OR2L13: variants seen among roughly 807,000 people sequenced by gnomAD.
OR2L13 encodes the protein olfactory receptor family 2 subfamily L member 13.
OR2L13 carries 14 observed loss-of-function variants against 15.3 expected under a neutral mutation model. The ratio of observed to expected loss-of-function variants is 0.91; its 90% CI spans 0.60 to 1.43. The LOEUF (loss-of-function observed/expected upper bound fraction) is 1.43. Ranked by LOEUF, OR2L13 falls within the 40% of genes most tolerant of loss-of-function variation. The pLI, the probability that OR2L13 is intolerant of heterozygous loss-of-function variation, is 0.00. For synonymous variants in OR2L13, 152 were observed against 142.9 expected, an observed-to-expected ratio of 1.06 and a Z score of -0.45; for missense variants, 367 against 387.9, an observed-to-expected ratio of 0.95 and a Z score of 0.45.
chr1:247,979,115 A>G, the OR2L13 span, among the ~76,000 whole-genome samples: 1 of 152,280 alleles, frequency 6.6e-6, no homozygotes, highest in Admixed American at 6.5e-5. Flanking sequence ...TGTTTTGTCT[A>G]CTAAAGAAGA....
the OR2L13 span, among the ~76,000 whole-genome samples, chr1:248,069,841 C>T: frequency 2.0e-5 from 3 of 152,206 alleles, no homozygotes; most frequent in South Asian, 2.1e-4. Flanking sequence ...TCTGATAAAA[C>T]AGACTTTAAA....
chr1:247,957,694 T>C, the OR2L13 span, among the ~76,000 whole-genome samples: 3 of 152,238 alleles, frequency 2.0e-5, no homozygotes, highest in African/African-American at 7.2e-5. Flanking sequence ...TTGAGGAATT[T>C]ATCCATTTCT....
At chr1:247,938,713 A>G in the OR2L13 span, among the ~76,000 whole-genome samples, 3 of 152,184 alleles carry the variant, frequency 2.0e-5, no homozygotes, top group East Asian at 5.8e-4. Flanking sequence ...GAGTGTAAAG[A>G]GCATGGTTCA....
the OR2L13 span, among the ~76,000 whole-genome samples, chr1:247,938,353 T>C: frequency 6.6e-6 from 1 of 152,184 alleles, no homozygotes; most frequent in East Asian, 1.9e-4. Context: ...TAAAGCCTGC[T>C]TTTACAACTC....
At chr1:247,969,091 A>G in the OR2L13 span, among the ~76,000 whole-genome samples, 2 of 152,260 alleles carry the variant, frequency 1.3e-5, no homozygotes, top group South Asian at 2.1e-4. Flanking sequence ...TCCTCTGATG[A>G]CCAGTGATGA....
upstream of OR2L13, among the ~76,000 whole-genome samples, chr1:248,091,631 G>A (rs772922296): frequency 1.1e-4 from 17 of 151,778 alleles, no homozygotes; most frequent in African/African-American, 1.9e-4. Context: ...ATTCTGTTCC[G>A]TTGGTCTATG....
the OR2L13 span, among the ~76,000 whole-genome samples, chr1:248,076,385 A>G: frequency 6.6e-6 from 1 of 152,176 alleles, no homozygotes; most frequent in Non-Finnish European, 1.5e-5. Flanking sequence ...CTGTGAAGGA[A>G]GTCATTGGTA....
the OR2L13 span, among the ~76,000 whole-genome samples, chr1:248,067,409 GA>G: frequency 6.6e-6 from 1 of 152,186 alleles, no homozygotes; most frequent in South Asian, 2.1e-4. Flanking sequence ...AAAAATCCAG[GA>G]AAAACTCCTA....
the OR2L13 span, among the ~76,000 whole-genome samples, chr1:248,073,247 C>T: frequency 1.3e-5 from 2 of 152,144 alleles, no homozygotes; most frequent in Admixed American, 6.6e-5. Flanking sequence ...CAATGATAGA[C>T]TGGATTAAGA....
chr1:248,076,256 A>C, the OR2L13 span, among the ~76,000 whole-genome samples: 3 of 151,630 alleles, frequency 2.0e-5, no homozygotes, highest in Non-Finnish European at 4.4e-5. Context: ...GTAGCTTTGT[A>C]GTATAATTTG....
the OR2L13 span, among the ~76,000 whole-genome samples, chr1:247,989,446 A>G: frequency 2.0e-5 from 3 of 152,198 alleles, no homozygotes; most frequent in Non-Finnish European, 2.9e-5. Flanking sequence ...TTTTAAGAAT[A>G]ACAAATGATC....
At chr1:247,955,636 C>T in the OR2L13 span, among the ~76,000 whole-genome samples, 1 of 144,042 alleles carries the variant, frequency 6.9e-6, no homozygotes, top group Non-Finnish European at 1.5e-5. Context: ...TTAATGATCA[C>T]CATTCTAACT....
At chr1:247,964,239 C>T in the OR2L13 span, among the ~76,000 whole-genome samples, 1 of 152,040 alleles carries the variant, frequency 6.6e-6, no homozygotes, top group African/African-American at 2.4e-5. Context: ...TTCATTGTGT[C>T]ATCTTACTGC....
the OR2L13 span, among the ~76,000 whole-genome samples, chr1:247,970,998 A>G: frequency 2.6e-5 from 4 of 152,278 alleles, no homozygotes; most frequent in African/African-American, 9.6e-5. Flanking sequence ...TCCTTTACTG[A>G]TAAATGACTA....
the OR2L13 span, among the ~76,000 whole-genome samples, chr1:247,993,318 C>T: frequency 6.8e-6 from 1 of 148,006 alleles, no homozygotes; most frequent in Admixed American, 6.7e-5. Context: ...TTTTCCTATT[C>T]TGTAGGTTGG....
chr1:247,961,827 A>G, the OR2L13 span, among the ~76,000 whole-genome samples: 118 of 152,348 alleles, frequency 7.7e-4, no homozygotes, highest in African/African-American at 2.6e-3. Flanking sequence ...AGCAGAGCTC[A>G]GTATTACACA....
the OR2L13 span, among the ~76,000 whole-genome samples, chr1:248,066,335 A>C: frequency 2.0e-5 from 3 of 152,340 alleles, no homozygotes; most frequent in East Asian, 5.8e-4. Context: ...GAGGATATAA[A>C]GTGGGTGAGG....
the OR2L13 span, chr1:248,083,473 A>G: frequency 3.2e-6 from 2 of 634,766 alleles, no homozygotes; most frequent in East Asian, 5.4e-5. Flanking sequence ...AATGCTCAAA[A>G]ATGGTATCTC....
the OR2L13 span, chr1:247,990,249 G>A: frequency 3.7e-6 from 3 of 805,422 alleles, no homozygotes; most frequent in Admixed American, 5.3e-5. Flanking sequence ...CCTTCAGGAA[G>A]GATCATATGA....
Sources: allele counts gnomAD v4.1 joint callset (sites outside exome capture counted in the v4.1 genomes callset), GRCh38; gene constraint gnomAD v4.1.1; transcripts MANE v1.5; gene names NCBI Gene and HGNC (gene_info 2026-07-23, HGNC 2026-07-21).